The following PRICKLE2 variants were observed in gnomAD, a reference collection of about 807,000 sequenced individuals.
PRICKLE2 encodes the protein prickle planar cell polarity protein 2, also known as prickle-like protein 2.
A neutral mutation model predicts 81.4 loss-of-function variants in PRICKLE2; 21 were observed. The observed-to-expected ratio is 0.26, with a 90% CI of 0.18 to 0.37. PRICKLE2 has a LOEUF of 0.37. PRICKLE2 is among the 10% of genes least tolerant of loss of function. The probability of loss-of-function intolerance (pLI) is 1.00; values close to 1 mark genes in which losing one functional copy is unlikely to be tolerated. For missense variants in PRICKLE2, 940 were observed against 1,109.0 expected (o/e 0.85, Z 2.16); for synonymous variants, 456 against 421.5 (o/e 1.08, Z -1.00).
chr3:64,238,116 A>C (rs558045988), intron 2 of PRICKLE2, among the ~76,000 whole-genome samples: 1 of 152,238 alleles, frequency 6.6e-6, no homozygotes, highest in Admixed American at 6.5e-5. Flanking sequence ...TATAAGAAGC[A>C]GGTATCAGAA....
intron 2 of PRICKLE2, among the ~76,000 whole-genome samples, chr3:64,168,404 G>A (rs1165822721): frequency 1.3e-5 from 2 of 152,086 alleles, no homozygotes; most frequent in Admixed American, 1.3e-4. Flanking sequence ...ATCTCATAAT[G>A]TTTTAAGAAA....
chr3:64,132,061 T>C (rs1344712381), intron 7 of PRICKLE2, among the ~76,000 whole-genome samples: 1 of 152,234 alleles, frequency 6.6e-6, no homozygotes, highest in East Asian at 1.9e-4. Context: ...GGCCTTTGCA[T>C]ATAAGATAAC....
chr3:64,195,231 G>A (rs1019724962), intron 2 of PRICKLE2, among the ~76,000 whole-genome samples: 1 of 152,042 alleles, frequency 6.6e-6, no homozygotes, highest in Non-Finnish European at 1.5e-5. Flanking sequence ...TTTCCTTTCT[G>A]GCATCATCTG....
At chr3:64,130,113 C>T (rs1056200718) in intron 7 of PRICKLE2, among the ~76,000 whole-genome samples, 3 of 152,196 alleles carry the variant, frequency 2.0e-5, no homozygotes, top group African/African-American at 4.8e-5. Context: ...ATCCTTTGTT[C>T]GCTCATCTCC....
intron 1 of PRICKLE2, among the ~76,000 whole-genome samples, chr3:64,223,159 T>C (rs1347461431): frequency 6.6e-6 from 1 of 152,238 alleles, no homozygotes; most frequent in Non-Finnish European, 1.5e-5. Context: ...ATACTGTTTT[T>C]TAGCAACAAC....
At chr3:64,138,141 G>A (rs1413944253) in intron 7 of PRICKLE2, among the ~76,000 whole-genome samples, 1 of 152,242 alleles carries the variant, frequency 6.6e-6, no homozygotes, top group East Asian at 1.9e-4. Flanking sequence ...TATGGTGCCT[G>A]TGGTTTTACC....
intron 2 of PRICKLE2, 54 bp downstream of exon 2, chr3:64,198,730 G>T: frequency 2.6e-6 from 4 of 1,568,098 alleles, no homozygotes; most frequent in Non-Finnish European, 3.5e-6. Flanking sequence ...GGAAGGACCA[G>T]TAAGGCAAAG....
intron 7 of PRICKLE2, among the ~76,000 whole-genome samples, chr3:64,112,586 T>A (rs973892669): frequency 6.6e-6 from 1 of 152,184 alleles, no homozygotes; most frequent in Non-Finnish European, 1.5e-5. Flanking sequence ...AATTAATCAA[T>A]GAATGGGTGC....
At chr3:64,136,133 T>C (rs530077671) in intron 7 of PRICKLE2, among the ~76,000 whole-genome samples, 2 of 152,292 alleles carry the variant, frequency 1.3e-5, no homozygotes, top group African/African-American at 4.8e-5. Context: ...CAAGAGTGAT[T>C]TGATGTCAAG....
At chr3:64,112,925 C>A (rs935675912) in intron 7 of PRICKLE2, among the ~76,000 whole-genome samples, 8 of 151,960 alleles carry the variant, frequency 5.3e-5, no homozygotes, top group Admixed American at 5.2e-4. Context: ...ATGCTTTTAA[C>A]AGATCTTCAG....
chr3:64,206,341 G>T (rs1232856712), intron 1 of PRICKLE2, among the ~76,000 whole-genome samples: 1 of 152,168 alleles, frequency 6.6e-6, no homozygotes, highest in Non-Finnish European at 1.5e-5. Flanking sequence ...TTAAAAACAG[G>T]TGTGGGTTTT....
chr3:64,198,458 G>A (rs1395696081), intron 2 of PRICKLE2, among the ~76,000 whole-genome samples: 1 of 152,008 alleles, frequency 6.6e-6, no homozygotes, highest in Non-Finnish European at 1.5e-5. Context: ...CATGGGGCTG[G>A]TAGAGGAGAA....
intron 7 of PRICKLE2, among the ~76,000 whole-genome samples, chr3:64,127,614 G>A (rs991255948): frequency 6.6e-6 from 1 of 152,048 alleles, no homozygotes; most frequent in Non-Finnish European, 1.5e-5. Flanking sequence ...CTGACTGAAG[G>A]CTTAAGGTCT....
At chr3:64,195,944 C>T (rs909861274) in intron 2 of PRICKLE2, among the ~76,000 whole-genome samples, 3 of 152,174 alleles carry the variant, frequency 2.0e-5, no homozygotes, top group Non-Finnish European at 4.4e-5. Flanking sequence ...CAAAGAACAA[C>T]AGAATTATTA....
At chr3:64,157,121 A>C (rs376773201) in intron 5 of PRICKLE2, 41 bp downstream of exon 5, 14 of 1,565,660 alleles carry the variant, frequency 8.9e-6, no homozygotes, top group Non-Finnish European at 1.2e-5. Flanking sequence ...GGTGCAATGA[A>C]GGGGTGATGG....
chr3:64,148,809 C>T (rs12634751), intron 6 of PRICKLE2, among the ~76,000 whole-genome samples: 40,346 of 152,084 alleles, frequency 0.27, 6,352 homozygotes, highest in East Asian at 0.44. Context: ...GCAGACACTG[C>T]ATTTGCTGGT....
chr3:64,110,341 C>T (rs1239887226), intron 7 of PRICKLE2, among the ~76,000 whole-genome samples: 3 of 152,146 alleles, frequency 2.0e-5, no homozygotes, highest in Admixed American at 6.5e-5. Flanking sequence ...AGTGGGCAGC[C>T]AAGAACCTGG....
chr3:64,187,033 CA>C (rs769495413), intron 2 of PRICKLE2, among the ~76,000 whole-genome samples: 3 of 152,180 alleles, frequency 2.0e-5, no homozygotes, highest in Non-Finnish European at 4.4e-5. Context: ...GCTAGAACTC[CA>C]ATGGCAGGTC....
At chr3:64,257,089 T>A (rs1278564189) in intron 2 of PRICKLE2, among the ~76,000 whole-genome samples, 1 of 152,200 alleles carries the variant, frequency 6.6e-6, no homozygotes, top group Non-Finnish European at 1.5e-5. Context: ...CACATCATAG[T>A]AATGCTTCAC....
Sources: gnomAD v4.1 joint callset for allele counts (sites outside exome capture counted in the v4.1 genomes callset) on GRCh38, gnomAD v4.1.1 for gene constraint, MANE v1.5 for transcripts, NCBI Gene and HGNC (gene_info 2026-07-23, HGNC 2026-07-21) for gene names.